FNBP1L: variants seen among roughly 807,000 people sequenced by gnomAD.
The protein encoded by FNBP1L is formin binding protein 1 like.
A neutral mutation model predicts 91.2 loss-of-function variants in FNBP1L; 36 were observed. The observed-to-expected ratio is 0.39, with a 90% CI of 0.30 to 0.52. The LOEUF is 0.52. FNBP1L is among the 20% of genes least tolerant of loss of function. The probability of loss-of-function intolerance (pLI) is 0.66; values close to 1 mark genes in which losing one functional copy is unlikely to be tolerated. For synonymous variants in FNBP1L, 242 were observed against 237.0 expected (o/e 1.02, Z -0.19); for missense variants, 571 against 732.1 (o/e 0.78, Z 2.54).
At position 93,533,088 on chromosome 1, in the gene FNBP1L, C is replaced by A. The variant is rs765071378; in HGVS notation, c.786+20C>A. 1 of 1,603,956 alleles carries A rather than the reference C, an allele frequency of 6.2e-7. No individual in the cohort carries two copies. Among genetic ancestry groups the A allele is most frequent in the South Asian group, 1.1e-5 (1 of 89,826 alleles). Reference sequence around the variant, plus strand: ...AGAAGAGTAAGTGCTAAATAATTATCTTTGAATGCATCTGTTTGGTTTAGG... The same window carrying A: ...AGAAGAGTAAGTGCTAAATAATTATATTTGAATGCATCTGTTTGGTTTAGG... On this transcript the variant is annotated intron_variant, in intron 8 of 16. Transcript: ENST00000271234.
At chr1:93,549,197 C>A in intron 14 of FNBP1L, 81 bp from the exon 15 acceptor site, 1 of 1,191,410 alleles carries the variant, frequency 8.4e-7, no homozygotes, top group Non-Finnish European at 1.1e-6. Flanking sequence ...TGGAATTGAT[C>A]CTGAGGTGAT....
At chr1:93,543,406 T>C (rs1672115054) in intron 11 of FNBP1L, among the ~76,000 whole-genome samples, 1 of 152,176 alleles carries the variant, frequency 6.6e-6, no homozygotes. Flanking sequence ...GATTTTATCC[T>C]TCTTTCAGTA....
intron 14 of FNBP1L, among the ~76,000 whole-genome samples, chr1:93,547,850 G>C (rs1431827559): frequency 6.6e-6 from 1 of 152,102 alleles, no homozygotes; most frequent in Non-Finnish European, 1.5e-5. Context: ...GCTTCCAAAA[G>C]ACACTTTGCT....
chr1:93,508,935 C>T (rs968041080), intron 2 of FNBP1L, among the ~76,000 whole-genome samples: 10 of 152,092 alleles, frequency 6.6e-5, no homozygotes, highest in African/African-American at 1.7e-4. Context: ...GCTCTTTTTC[C>T]GTGGCTTTAA....
At chr1:93,525,401 C>G (rs533159602) in intron 5 of FNBP1L, among the ~76,000 whole-genome samples, 3 of 151,978 alleles carry the variant, frequency 2.0e-5, no homozygotes, top group Non-Finnish European at 4.4e-5. Flanking sequence ...ATCACCAGTG[C>G]TGATTGAGAG....
At chr1:93,531,059 A>G (rs1420610761) in intron 7 of FNBP1L, among the ~76,000 whole-genome samples, 176 bp downstream of exon 7, 1 of 152,184 alleles carries the variant, frequency 6.6e-6, no homozygotes, top group Non-Finnish European at 1.5e-5. Flanking sequence ...TAAGTCACAC[A>G]TTTTCCTACG....
intron 1 of FNBP1L, among the ~76,000 whole-genome samples, chr1:93,472,811 C>CAAAAAAA (rs57548632): frequency 2.1e-5 from 1 of 46,880 alleles, no homozygotes; most frequent in African/African-American, 9.2e-5. Flanking sequence ...GACTCCATCT[C>CAAAAAAA]AAAAAAAAAA....
intron 1 of FNBP1L, among the ~76,000 whole-genome samples, chr1:93,458,740 G>A (rs1668757732): frequency 6.6e-6 from 1 of 152,158 alleles, no homozygotes; most frequent in East Asian, 1.9e-4. Flanking sequence ...GCTTTTTGTG[G>A]TCAACTGTGG....
At chr1:93,502,588 AAAG>A (rs1296920106) in intron 2 of FNBP1L, among the ~76,000 whole-genome samples, 2 of 152,164 alleles carry the variant, frequency 1.3e-5, no homozygotes, top group African/African-American at 4.8e-5. Context: ...TACTTGCAAA[AAAG>A]GGATTTGAGC....
intron 2 of FNBP1L, among the ~76,000 whole-genome samples, chr1:93,519,380 C>T (rs574861462): frequency 1.3e-5 from 2 of 152,270 alleles, no homozygotes; most frequent in Admixed American, 6.5e-5. Context: ...GCAGAATCCT[C>T]CCCCAGGGGT....
At chr1:93,512,504 T>C (rs1403987330) in intron 2 of FNBP1L, among the ~76,000 whole-genome samples, 1 of 151,986 alleles carries the variant, frequency 6.6e-6, no homozygotes, top group Non-Finnish European at 1.5e-5. Flanking sequence ...TATTCCAAAA[T>C]TGACCACATA....
chr1:93,548,750 G>A (rs543886964), intron 14 of FNBP1L, among the ~76,000 whole-genome samples: 1 of 152,286 alleles, frequency 6.6e-6, no homozygotes, highest in South Asian at 2.1e-4. Context: ...AAGGGACAGA[G>A]TGAATTCTCT....
intron 1 of FNBP1L, among the ~76,000 whole-genome samples, chr1:93,459,398 T>TA (rs892949266): frequency 6.6e-6 from 1 of 152,028 alleles, no homozygotes; most frequent in Admixed American, 6.6e-5. Flanking sequence ...ACAACTTGAT[T>TA]AAAAAAATGG....
chr1:93,474,774 A>G (rs563287021), intron 1 of FNBP1L, among the ~76,000 whole-genome samples: 3 of 151,700 alleles, frequency 2.0e-5, no homozygotes, highest in South Asian at 2.1e-4. Context: ...GCCAGAGCCT[A>G]TAAGCCATTC....
chr1:93,451,631 T>C (rs1010582288), intron 1 of FNBP1L, among the ~76,000 whole-genome samples: 1 of 152,102 alleles, frequency 6.6e-6, no homozygotes, highest in African/African-American at 2.4e-5. Context: ...TTAAAAGCCA[T>C]TGTTATTTTC....
At chr1:93,517,546 A>T (rs947319871) in intron 2 of FNBP1L, among the ~76,000 whole-genome samples, 1 of 152,164 alleles carries the variant, frequency 6.6e-6, no homozygotes, top group Non-Finnish European at 1.5e-5. Flanking sequence ...TGTTACCCAT[A>T]TGTCTACTCA....
rs867297508 is a variant in FNBP1L at position 93,497,840 on chromosome 1, G to A, written c.25-1628G>A. Among the ~76,000 whole-genome samples, 5 of 151,862 alleles carry A rather than the reference G, an allele frequency of 3.3e-5. No homozygotes were observed. The Middle Eastern group carries it at 0.014, about 413-fold the overall frequency. ...TCACCATGTTGACCAGGCTGGTCTC[G>A]AACTCCTGACTTCAAGTGATCCACC... On this transcript the variant is annotated intron_variant, in intron 1 of 16. Coordinates refer to ENST00000271234, the MANE Select transcript of FNBP1L (RefSeq NM_001164473.3).
At chr1:93,532,172 A>G (rs1671696316) in intron 7 of FNBP1L, among the ~76,000 whole-genome samples, 1 of 152,070 alleles carries the variant, frequency 6.6e-6, no homozygotes, top group African/African-American at 2.4e-5. Flanking sequence ...ACTTGAGGTT[A>G]GAAGTCTCAG....
chr1:93,490,979 C>T (rs986069301), intron 1 of FNBP1L, among the ~76,000 whole-genome samples: 2 of 152,204 alleles, frequency 1.3e-5, no homozygotes, highest in Admixed American at 1.3e-4. Flanking sequence ...TTTGTACTGT[C>T]ACCCAGGCTG....
Sources: gnomAD v4.1 joint callset for allele counts (sites outside exome capture counted in the v4.1 genomes callset) on GRCh38, gnomAD v4.1.1 for gene constraint, MANE v1.5 for transcripts, NCBI Gene and HGNC (gene_info 2026-07-23, HGNC 2026-07-21) for gene names.